PTPN11: variants seen among roughly 807,000 people sequenced by gnomAD.
PTPN11 encodes protein tyrosine phosphatase non-receptor type 11, also known as tyrosine-protein phosphatase non-receptor type 11.
A neutral mutation model predicts 78.8 loss-of-function variants in PTPN11; 6 were observed. The observed-to-expected ratio is 0.08, with a 90% CI of 0.04 to 0.15. The LOEUF (loss-of-function observed/expected upper bound fraction) is 0.15, where lower values mean the gene tolerates loss of function less well. Ranked by LOEUF, PTPN11 falls within the 10% of genes least tolerant of loss-of-function variation. PTPN11 has a pLI of 1.00. For missense variants in PTPN11, 386 were observed against 744.8 expected (o/e 0.52, Z 5.61); for synonymous variants, 221 against 263.5 (o/e 0.84, Z 1.56).
chr12:112,462,627 C>T (rs2038265523), intron 6 of PTPN11, among the ~76,000 whole-genome samples: 1 of 152,098 alleles, frequency 6.6e-6, no homozygotes, highest in African/African-American at 2.4e-5. Flanking sequence ...CATTATATTT[C>T]AAAAATATAA....
rs138857900 is a variant in PTPN11 at position 112,447,752 on chromosome 12, G to C, written c.137+1354G>C. On this transcript the variant is annotated intron_variant, in intron 2 of 15. Coordinates refer to ENST00000351677, the MANE Select transcript of PTPN11 (RefSeq NM_002834.5). The stretch of plus-strand genomic sequence containing the variant: ...TGACCTCAGGTGATCTGCCTGCCTT[G>C]GCCTCCCAAAGTGCTGGAATTACAG... 1.2e-3 allele frequency among the ~76,000 whole-genome samples: 182 copies of C among 151,228 alleles called. 1 individual carries two copies. The highest frequency in any genetic ancestry group is 4.2e-3 in the South Asian group (20 of 4,778).
At chr12:112,422,781 A>G (rs756120684) in intron 1 of PTPN11, among the ~76,000 whole-genome samples, 3 of 152,208 alleles carry the variant, frequency 2.0e-5, no homozygotes, top group Non-Finnish European at 2.9e-5. Flanking sequence ...GGCCACTGCT[A>G]AGATGACTTA....
intron 5 of PTPN11, among the ~76,000 whole-genome samples, chr12:112,455,323 C>G (rs913478279): frequency 6.8e-6 from 1 of 148,142 alleles, no homozygotes; most frequent in Non-Finnish European, 1.5e-5. Flanking sequence ...GCAACCTCTG[C>G]GTCCCGGGTT....
intron 1 of PTPN11, among the ~76,000 whole-genome samples, chr12:112,443,217 T>C (rs992451553): frequency 4.6e-5 from 7 of 152,038 alleles, no homozygotes; most frequent in Non-Finnish European, 1.0e-4. Flanking sequence ...CAACAAAAAC[T>C]GTTCCCTTTT....
At chr12:112,479,162 A>G (rs961812984) in intron 9 of PTPN11, among the ~76,000 whole-genome samples, 1 of 152,194 alleles carries the variant, frequency 6.6e-6, no homozygotes, top group Non-Finnish European at 1.5e-5. Flanking sequence ...GATTAAAAAA[A>G]TAAATTGTAA....
chr12:112,489,609 A>G (rs1320814093), intron 13 of PTPN11, among the ~76,000 whole-genome samples: 1 of 152,212 alleles, frequency 6.6e-6, no homozygotes, highest in East Asian at 1.9e-4. Flanking sequence ...CGAGTTGGAA[A>G]CAGTGAAATT....
At chr12:112,497,874 C>T (rs969240429) in intron 13 of PTPN11, among the ~76,000 whole-genome samples, 3 of 152,096 alleles carry the variant, frequency 2.0e-5, no homozygotes, top group East Asian at 1.9e-4. Flanking sequence ...CATTTTAGGC[C>T]GGATGTGGTG....
rs1328956291 is a variant in PTPN11, at chr12:112,425,004, GTGTGTA to G, written c.14+5883_14+5888del. 5.7e-3 allele frequency among the ~76,000 whole-genome samples: 786 copies of G among 139,066 alleles called. 9 individuals carry two copies. The highest frequency in any genetic ancestry group is 0.021 in the African/African-American group (720 of 34,450). The allele number at this position is 139,066 out of a possible 152,430, so 91.2% of individuals were successfully genotyped here. On this transcript the variant is annotated intron_variant, in intron 1 of 15. Transcript: ENST00000351677. ...TGTGTGTGTGTGTGTGTGTGTGTGT[GTGTGTA>G]TGTAGAGATGGGGTTTTGCCATGTT...
rs2038954313 is a variant in PTPN11, at chr12:112,507,902, A to G, written c.*2110A>G. On this transcript the variant is annotated 3_prime_UTR_variant, in exon 16 of 16. Transcript: ENST00000351677. ...CCTGAAGGTATTCCCTTATTAGGGA[A>G]GTGTCACTGCTGTCTTCTAGTCAAA... is the stretch of plus-strand genomic sequence containing the variant. The G allele has an allele frequency of 6.6e-6, 1 of 152,670 alleles. No individual in the cohort carries two copies. The highest frequency in any genetic ancestry group is 2.4e-5 in the African/African-American group (1 of 41,464). The allele number at this position is 152,670 out of a possible 1,614,324, so 9.5% of individuals were successfully genotyped here. A position where few individuals can be genotyped will look rare whatever the true frequency, so the allele number is the denominator to read the frequency against.
At chr12:112,495,074 C>A (rs1401890556) in intron 13 of PTPN11, among the ~76,000 whole-genome samples, 2 of 152,000 alleles carry the variant, frequency 1.3e-5, no homozygotes, top group Non-Finnish European at 2.9e-5. Flanking sequence ...AGTCGAGGAG[C>A]ATTATACATA....
At chr12:112,424,867 TTGTG>T (rs567490227) in intron 1 of PTPN11, among the ~76,000 whole-genome samples, 52 of 135,164 alleles carry the variant, frequency 3.8e-4, no homozygotes, top group African/African-American at 9.1e-4. Context: ...GTCAGGCTAA[TTGTG>T]TGTGTGTGTG....
chr12:112,429,866 G>T (rs748301529), intron 1 of PTPN11, among the ~76,000 whole-genome samples: 2 of 151,684 alleles, frequency 1.3e-5, no homozygotes, highest in Admixed American at 6.6e-5. Flanking sequence ...AAGAATGAGG[G>T]TATTAAAAAG....
chr12:112,445,592 T>TTGG (rs1331432391), intron 1 of PTPN11, among the ~76,000 whole-genome samples: 1 of 152,150 alleles, frequency 6.6e-6, no homozygotes, highest in Non-Finnish European at 1.5e-5. Context: ...GTGAGAAACC[T>TTGG]GGCTTGCTAT....
chr12:112,471,826 C>G (rs1444849769), intron 6 of PTPN11, among the ~76,000 whole-genome samples: 1 of 151,676 alleles, frequency 6.6e-6, no homozygotes, highest in Non-Finnish European at 1.5e-5. Flanking sequence ...GATCTTGGCT[C>G]TCTGCAACCT....
intron 6 of PTPN11, among the ~76,000 whole-genome samples, chr12:112,460,183 G>A (rs1174490368): frequency 1.3e-5 from 2 of 152,040 alleles, no homozygotes; most frequent in African/African-American, 4.8e-5. Context: ...TCCGACCTCA[G>A]GTGATCCACC....
chr12:112,447,624 G>A (rs1003058485), intron 2 of PTPN11, among the ~76,000 whole-genome samples: 5 of 149,142 alleles, frequency 3.4e-5, no homozygotes, highest in Admixed American at 2.0e-4. Context: ...CTCAGCCTCC[G>A]GAGTGGCTGG....
At chr12:112,442,830 T>TTTTATATATATA (rs1348198967) in intron 1 of PTPN11, among the ~76,000 whole-genome samples, 1 of 43,532 alleles carries the variant, frequency 2.3e-5, no homozygotes, top group Non-Finnish European at 6.0e-5. Context: ...CTCTCTCTTT[T>TTTTATATATATA]TATATATATA....
chr12:112,458,977 G>A (rs553041528), intron 6 of PTPN11, among the ~76,000 whole-genome samples: 1 of 152,128 alleles, frequency 6.6e-6, no homozygotes, highest in Admixed American at 6.5e-5. Flanking sequence ...AGGCTGCAGT[G>A]AGCTGAGATC....
In PTPN11 at chr12:112,507,686, T is replaced by A. The variant is rs913860490; in HGVS notation, c.*1894T>A. 2 of 152,686 alleles carry A rather than the reference T, an allele frequency of 1.3e-5. No individual in the cohort carries two copies. The highest frequency in any genetic ancestry group is 4.8e-5 in the African/African-American group (2 of 41,458). 9.5% of individuals were successfully genotyped at this position (152,686 alleles called of 1,614,324 possible). A position where few individuals can be genotyped will look rare whatever the true frequency, so the allele number is the denominator to read the frequency against. Reference sequence around the variant, plus strand: ...GCCATGAAGTTGTGGCCTCCTTGGATTCTTCTGACTTTGGCTTCTGAAAGG... The same window carrying A: ...GCCATGAAGTTGTGGCCTCCTTGGAATCTTCTGACTTTGGCTTCTGAAAGG... On this transcript the variant is annotated 3_prime_UTR_variant, in exon 16 of 16. Coordinates refer to ENST00000351677, the MANE Select transcript of PTPN11 (RefSeq NM_002834.5).
Sources: gnomAD v4.1 joint callset for allele counts (sites outside exome capture counted in the v4.1 genomes callset) on GRCh38, gnomAD v4.1.1 for gene constraint, MANE v1.5 for transcripts, NCBI Gene and HGNC (gene_info 2026-07-23, HGNC 2026-07-21) for gene names.